ABRA: variants seen among roughly 807,000 people sequenced by gnomAD.
ABRA encodes actin-binding Rho-activating protein.
ABRA carries 25 observed loss-of-function variants against 33.4 expected under a neutral mutation model. The ratio of observed to expected loss-of-function variants is 0.75; its 90% CI spans 0.55 to 1.04. The LOEUF is 1.04. Among genes scored for constraint, ABRA ranks in the 50% least tolerant of loss-of-function variants. The probability of loss-of-function intolerance (pLI) is 0.00; values close to 1 mark genes in which losing one functional copy is unlikely to be tolerated. For synonymous variants in ABRA, 193 were observed against 176.8 expected (o/e 1.09, Z -0.73); for missense variants, 501 against 491.7 (o/e 1.02, Z -0.18).
chr8:106,764,365 G>A (rs1365100264), intron 1 of ABRA, among the ~76,000 whole-genome samples: 5 of 152,140 alleles, frequency 3.3e-5, no homozygotes, highest in Admixed American at 6.5e-5. Flanking sequence ...TCTGTGAAGA[G>A]CTTCTAGGCC....
intron 1 of ABRA, among the ~76,000 whole-genome samples, chr8:106,762,178 A>G (rs1348783553): frequency 6.6e-6 from 1 of 152,228 alleles, no homozygotes; most frequent in Non-Finnish European, 1.5e-5. Context: ...TTCCTACTTC[A>G]CAAATGAGGA....
At chr8:106,763,701 G>A (rs562743175) in intron 1 of ABRA, among the ~76,000 whole-genome samples, 1 of 152,296 alleles carries the variant, frequency 6.6e-6, no homozygotes, top group African/African-American at 2.4e-5. Flanking sequence ...TCCTAGCAGA[G>A]CATAAATTTC....
chr8:106,762,387 G>A (rs1836150970), intron 1 of ABRA, among the ~76,000 whole-genome samples: 1 of 152,162 alleles, frequency 6.6e-6, no homozygotes, highest in African/African-American at 2.4e-5. Context: ...ATGTAGTGAT[G>A]CCACTCAGCA....
Position 106,769,941 on chromosome 8 carries a change from G to A in ABRA, c.250C>T (p.Arg84Cys), listed in dbSNP as rs145381419. The change falls in exon 1 of 2, where the codon CGC becomes TGC. Residue 84 changes from arginine to cysteine, a missense_variant. By Grantham distance (180) the Arg-to-Cys change is radical. Transcript: ENST00000311955. ...CCATCTCCATGTCCTTCTGGCAGGC[G>A]GGGTGGCGACTTTGGGGCACTCTGA... ...KAQSAPKSPPRLPEGHGDGQS... is the reference protein window; with the variant it reads ...KAQSAPKSPPCLPEGHGDGQS... 1.7e-5 allele frequency: 27 copies of A among 1,614,000 alleles called. No individual in the cohort carries two copies. The highest frequency in any genetic ancestry group is 4.5e-5 in the East Asian group (2 of 44,884).
chr8:106,766,418 T>C (rs970836239), intron 1 of ABRA, among the ~76,000 whole-genome samples: 56 of 152,152 alleles, frequency 3.7e-4, no homozygotes, highest in African/African-American at 1.2e-3. Context: ...TATTGGCAGA[T>C]ACAGGGAGAG....
In ABRA at chr8:106,770,086, C is replaced by G. The variant is rs1490398091; in HGVS notation, c.105G>C (p.Gln35His). The G allele has an allele frequency of 4.3e-6, 7 of 1,614,040 alleles. No homozygotes were observed. The highest frequency in any genetic ancestry group is 5.9e-6 in the Non-Finnish European group (7 of 1,179,940). The change falls in exon 1 of 2, where the codon CAG becomes CAC. Residue 35 changes from glutamine (Q) to histidine (H), a missense_variant. Coordinates refer to ENST00000311955, the MANE Select transcript of ABRA (RefSeq NM_139166.5). ...LVISLARGWQ[Q>H]WANENSIRQA... ...GCCTGATGCTGTTCTCATTCGCCCA[C>G]TGCTGCCAACCTCGGGCCAAGCTGA...
chr8:106,761,138 C>T lies in ABRA; in HGVS notation c.1045G>A (p.Gly349Ser), dbSNP rs1015238596. ...TGTTTCCTGGCACGCATGAGAATGC[C>T]CACTACTTTATCTGAAATACGAACG... ...RYVRISDKVV[G>S]ILMRARKHGL... Residue 349 changes from glycine to serine, a missense_variant, in exon 2 of 2, where the codon GGC becomes AGC. Gly to Ser is a moderately conservative substitution (Grantham distance 56). Coordinates refer to ENST00000311955, the MANE Select transcript of ABRA (RefSeq NM_139166.5). 66 of 1,614,056 alleles carry T rather than the reference C, an allele frequency of 4.1e-5. No homozygotes were observed. Among genetic ancestry groups the T allele is most frequent in the Non-Finnish European group, 5.3e-5 (63 of 1,180,042 alleles).
In ABRA at chr8:106,769,698, T is replaced by A; in HGVS notation, c.493A>T (p.Asn165Tyr). The change falls in exon 1 of 2, where the codon AAC (asparagine) becomes TAC (tyrosine). Residue 165 changes from asparagine (N) to tyrosine (Y), a missense_variant. Coordinates refer to ENST00000311955, the MANE Select transcript of ABRA (RefSeq NM_139166.5). ...CCCTTGGTTAGCTCAGACACCAGGT[T>A]GGCACATTTTCTCCTCCGCGTTGGG... is the stretch of plus-strand genomic sequence containing the variant. ...GSPTRRRKCA[N>Y]LVSELTKGWR... 1 of 1,614,160 alleles carries A rather than the reference T, an allele frequency of 6.2e-7. No homozygotes were observed. Among genetic ancestry groups the A allele is most frequent in the African/African-American group, 1.3e-5 (1 of 75,038 alleles).
intron 1 of ABRA, among the ~76,000 whole-genome samples, chr8:106,764,142 A>C (rs1360153157): frequency 6.6e-6 from 1 of 152,206 alleles, no homozygotes; most frequent in Non-Finnish European, 1.5e-5. Flanking sequence ...ATATGTTGGT[A>C]TTATACTGAT....
intron 1 of ABRA, among the ~76,000 whole-genome samples, chr8:106,767,593 C>T (rs1365518669): frequency 2.0e-5 from 3 of 152,142 alleles, no homozygotes; most frequent in Non-Finnish European, 4.4e-5. Context: ...GCAAACTTCC[C>T]CTCTGAGCTT....
In ABRA at chr8:106,759,603, T is replaced by C. The variant is rs1373691600; in HGVS notation, c.*1434A>G. On this transcript the variant is annotated 3_prime_UTR_variant, in exon 2 of 2. Coordinates refer to ENST00000311955, the MANE Select transcript of ABRA (RefSeq NM_139166.5). ...CTTAGAAATATTGGTCATTAACTTA[T>C]AGCTTTATAAATACGGTATGGAAAC... 1 of 152,222 alleles carries C rather than the reference T, an allele frequency of 6.6e-6. No homozygotes were observed. The highest frequency in any genetic ancestry group is 2.4e-5 in the African/African-American group (1 of 41,470). 9.4% of individuals were successfully genotyped at this position (152,222 alleles called of 1,614,324 possible).
intron 1 of ABRA, 105 bp from the exon 2 acceptor site, chr8:106,761,619 T>A: frequency 1.1e-6 from 1 of 914,116 alleles, no homozygotes; most frequent in Non-Finnish European, 1.6e-6. Context: ...GTAAGTATAA[T>A]TTTTTCACTA....
intron 1 of ABRA, among the ~76,000 whole-genome samples, chr8:106,768,633 C>CT (rs1032357828): frequency 6.6e-6 from 1 of 152,028 alleles, no homozygotes; most frequent in African/African-American, 2.4e-5. Context: ...AGGAAATCTG[C>CT]TTTTTTTAAT....
intron 1 of ABRA, among the ~76,000 whole-genome samples, chr8:106,766,351 T>G (rs1836220658): frequency 6.6e-6 from 1 of 152,186 alleles, no homozygotes; most frequent in Admixed American, 6.5e-5. Context: ...ATGGAACATC[T>G]TAACCACCAA....
chr8:106,768,139 AT>A (rs554777853), intron 1 of ABRA, among the ~76,000 whole-genome samples: 1 of 152,114 alleles, frequency 6.6e-6, no homozygotes, highest in African/African-American at 2.4e-5. Context: ...TTAGGTAACA[AT>A]TTTTTTCTTT....
In ABRA at chr8:106,770,198, A is replaced by G. The variant is rs183524885; in HGVS notation, c.-8T>C. ...CTTTTCGCCCGGAGCCATGCTGCCCACCTGTCTTTCTCTGCTGATAGCCTG... is the reference window on the plus strand; with the variant it reads ...CTTTTCGCCCGGAGCCATGCTGCCCGCCTGTCTTTCTCTGCTGATAGCCTG... On this transcript the variant is annotated 5_prime_UTR_variant, in exon 1 of 2. Coordinates refer to ENST00000311955, the MANE Select transcript of ABRA (RefSeq NM_139166.5). 1 of 1,595,970 alleles carries G rather than the reference A, an allele frequency of 6.3e-7. No individual in the cohort carries two copies. Among genetic ancestry groups the G allele is most frequent in the Non-Finnish European group, 8.5e-7 (1 of 1,175,394 alleles).
intron 1 of ABRA, among the ~76,000 whole-genome samples, chr8:106,763,007 T>C (rs1836159190): frequency 6.6e-6 from 1 of 152,182 alleles, no homozygotes; most frequent in Admixed American, 6.5e-5. Context: ...GCATTGGGAT[T>C]GCAGATGTTC....
At chr8:106,762,024 A>T (rs902677683) in intron 1 of ABRA, among the ~76,000 whole-genome samples, 1 of 152,216 alleles carries the variant, frequency 6.6e-6, no homozygotes, top group African/African-American at 2.4e-5. Flanking sequence ...AGTATCAATG[A>T]TGCCACAAAC....
rs1396977525 is a variant in ABRA at position 106,759,870 on chromosome 8, C to T, written c.*1167G>A. 6.6e-6 allele frequency: 1 copy of T among 152,146 alleles called. No individual in the cohort carries two copies. The highest frequency in any genetic ancestry group is 1.5e-5 in the Non-Finnish European group (1 of 68,028). 9.4% of individuals were successfully genotyped at this position (152,146 alleles called of 1,614,324 possible). A position where few individuals can be genotyped will look rare whatever the true frequency, so the allele number is the denominator to read the frequency against. On this transcript the variant is annotated 3_prime_UTR_variant, in exon 2 of 2. Transcript: ENST00000311955. The stretch of plus-strand genomic sequence containing the variant: ...ATTTGTTTTTAAGATCACATAGGCA[C>T]ATTAATGTCCAATGATTTTCTCCTT...
Sources: allele counts gnomAD v4.1 joint callset (sites outside exome capture counted in the v4.1 genomes callset), GRCh38; gene constraint gnomAD v4.1.1; transcripts MANE v1.5; gene names NCBI Gene and HGNC (gene_info 2026-07-23, HGNC 2026-07-21).